Variants in SLC15A4 observed in about 807,000 individuals in gnomAD.
The protein encoded by SLC15A4 is hPHT1.
A neutral mutation model predicts 46.1 loss-of-function variants in SLC15A4; 26 were observed. That is an observed-to-expected ratio of 0.56 (90% CI 0.41 to 0.78). The LOEUF is 0.78. SLC15A4 is among the 30% of genes least tolerant of loss of function. SLC15A4 has a pLI of 0.00. For synonymous variants in SLC15A4, 370 were observed against 333.4 expected, an observed-to-expected ratio of 1.11 and a Z score of -1.20; for missense variants, 751 against 755.7, an observed-to-expected ratio of 0.99 and a Z score of 0.07.
intron 7 of SLC15A4, among the ~76,000 whole-genome samples, chr12:128,797,562 G>A (rs148965224): frequency 6.6e-5 from 10 of 152,246 alleles, no homozygotes; most frequent in African/African-American, 2.2e-4. Flanking sequence ...CTGGGAGGTC[G>A]GTAAGAAAAA....
At chr12:128,813,172 A>C (rs550793590) in intron 2 of SLC15A4, 1 of 150,372 alleles carries the variant, frequency 6.7e-6, no homozygotes. Context: ...AGTGTCAGCT[A>C]AGATGGGGCT....
intron 1 of SLC15A4, among the ~76,000 whole-genome samples, chr12:128,821,096 C>T (rs1955829631): frequency 6.6e-6 from 1 of 152,244 alleles, no homozygotes; most frequent in African/African-American, 2.4e-5. Flanking sequence ...AGTGCAGATG[C>T]TGGCGCCCTG....
At chr12:128,818,043 G>T (rs1299215628) in intron 1 of SLC15A4, among the ~76,000 whole-genome samples, 1 of 150,220 alleles carries the variant, frequency 6.7e-6, no homozygotes, top group Non-Finnish European at 1.5e-5. Flanking sequence ...GCTGACAGAA[G>T]AATTCCTTAA....
At chr12:128,803,420 C>T (rs1271969622) in intron 5 of SLC15A4, among the ~76,000 whole-genome samples, 1 of 151,146 alleles carries the variant, frequency 6.6e-6, no homozygotes, top group African/African-American at 2.5e-5. Flanking sequence ...CAGACAGCAC[C>T]TCATTTATTA....
intron 1 of SLC15A4, among the ~76,000 whole-genome samples, chr12:128,822,901 T>G (rs1955869237): frequency 1.3e-5 from 2 of 151,862 alleles, no homozygotes; most frequent in African/African-American, 4.8e-5. Context: ...CAAGCTAGAG[T>G]GCACTGGTGT....
Position 128,808,802 on chromosome 12 carries a change from G to A in SLC15A4, c.1244C>T (p.Ser415Leu), listed in dbSNP as rs753259742. The part of the protein sequence containing the change: ...IAVGMFFVMC[S>L]AFAAGILESK... ...ATGCCTCTTACCTGCAGCAAAGGCCGAGCACATGACAAAGAACATGCCCAC... is the reference window on the plus strand; with the variant it reads ...ATGCCTCTTACCTGCAGCAAAGGCCAAGCACATGACAAAGAACATGCCCAC... The change falls in exon 5 of 8, where the codon TCG (serine) becomes TTG (leucine). Residue 415 changes from serine (S) to leucine (L), a missense_variant. Transcript: ENST00000266771. The A allele has an allele frequency of 6.8e-6, 11 of 1,614,020 alleles. No homozygotes were observed. The highest frequency in any genetic ancestry group is 3.3e-5 in the Admixed American group (2 of 59,992).
chr12:128,821,401 T>A (rs534661911), intron 1 of SLC15A4, among the ~76,000 whole-genome samples: 1 of 152,174 alleles, frequency 6.6e-6, no homozygotes, highest in South Asian at 2.1e-4. Flanking sequence ...ACATTTTGAG[T>A]TCTATGAGAC....
intron 2 of SLC15A4, among the ~76,000 whole-genome samples, chr12:128,812,456 A>G (rs1322956469): frequency 6.6e-6 from 1 of 152,090 alleles, no homozygotes; most frequent in Non-Finnish European, 1.5e-5. Context: ...TGTAACTGGC[A>G]CTACAGGCAC....
At position 128,794,242 on chromosome 12, in the gene SLC15A4, T is replaced by C; in HGVS notation, c.1688A>G (p.His563Arg). Reference protein sequence around the residue: ...ISVKYDHHRDHQRSRANGVPT... With the variant: ...ISVKYDHHRDRQRSRANGVPT... ...CACGCCATTGGCTCTTGATCGCTGA[T>C]GGTCTCGATGATGGTCATATTTCAC... The change falls in exon 8 of 8, where the codon CAT (histidine) becomes CGT (arginine). Residue 563 changes from histidine to arginine, a missense_variant. Coordinates refer to ENST00000266771, the MANE Select transcript of SLC15A4 (RefSeq NM_145648.4). 3.1e-6 allele frequency: 5 copies of C among 1,613,922 alleles called. No homozygotes were observed. Among genetic ancestry groups the C allele is most frequent in the South Asian group, 1.1e-5 (1 of 91,068 alleles).
At chr12:128,798,110 G>A (rs1291734053) in intron 7 of SLC15A4, among the ~76,000 whole-genome samples, 3 of 152,212 alleles carry the variant, frequency 2.0e-5, no homozygotes, top group Non-Finnish European at 4.4e-5. Flanking sequence ...TGACTAGAAA[G>A]CAACGAGAAT....
chr12:128,793,868 A>T lies in SLC15A4; in HGVS notation c.*328T>A, dbSNP rs1030500932. ...AACTGGGATGCCAACTAACACGTGG[A>T]GTTCCCCAAGACTTTGCAATCTCCA... On this transcript the variant is annotated 3_prime_UTR_variant, in exon 8 of 8. Transcript: ENST00000266771. 4.8e-6 allele frequency: 1 copy of T among 206,716 alleles called. No homozygotes were observed. Among genetic ancestry groups the T allele is most frequent in the Non-Finnish European group, 9.6e-6 (1 of 104,650 alleles). 12.8% of individuals were successfully genotyped at this position (206,716 alleles called of 1,614,324 possible).
chr12:128,810,020 C>G lies in SLC15A4; in HGVS notation c.934G>C (p.Val312Leu). 6.2e-7 allele frequency: 1 copy of G among 1,614,200 alleles called. No individual in the cohort carries two copies. Among genetic ancestry groups the G allele is most frequent in the Non-Finnish European group, 8.5e-7 (1 of 1,180,028 alleles). The change falls in exon 3 of 8, where the codon GTG becomes CTG. Residue 312 changes from valine to leucine, a missense_variant. Val to Leu is a conservative substitution (Grantham distance 32, BLOSUM62 1). Transcript: ENST00000266771. Reference protein sequence around the residue: ...SHGGPFTEEKVEDVKALVKIV... With the variant: ...SHGGPFTEEKLEDVKALVKIV... ...TTGACCAGAGCTTTCACATCTTCCA[C>G]TTTCTCTTCTGTAAATGGCCCACCA... is the stretch of plus-strand genomic sequence containing the variant.
At chr12:128,809,914 G>A in intron 3 of SLC15A4, 29 bp downstream of exon 3, 1 of 1,601,544 alleles carries the variant, frequency 6.2e-7, no homozygotes, top group Non-Finnish European at 8.5e-7. Flanking sequence ...GGAAGATAAA[G>A]GAAATTAAAC....
At chr12:128,795,120 CA>C (rs1955429544) in intron 7 of SLC15A4, among the ~76,000 whole-genome samples, 1 of 152,088 alleles carries the variant, frequency 6.6e-6, no homozygotes, top group Admixed American at 6.5e-5. Context: ...CACTTTTTAG[CA>C]TCACAGATTG....
In SLC15A4 at chr12:128,823,933, G is replaced by T; in HGVS notation, c.11C>A (p.Ser4Tyr). The T allele has an allele frequency of 3.1e-6, 2 of 644,114 alleles. No individual in the cohort carries two copies. The highest frequency in any genetic ancestry group is 1.3e-4 in the South Asian group (2 of 15,282). The allele number at this position is 644,114 out of a possible 1,614,324, so 39.9% of individuals were successfully genotyped here. MEG[S>Y]GGGAGERAPL... ...CGCCCGCTCGCCCGCACCGCCCCCAGAGCCCTCCATGCGACGCCGCCAGCT... is the reference window on the plus strand; with the variant it reads ...CGCCCGCTCGCCCGCACCGCCCCCATAGCCCTCCATGCGACGCCGCCAGCT... The change falls in exon 1 of 8, where the codon TCT (serine) becomes TAT (tyrosine). Residue 4 changes from serine to tyrosine, a missense_variant. By Grantham distance (144) the Ser-to-Tyr change is moderately radical. Transcript: ENST00000266771.
chr12:128,818,541 C>T (rs543617881), intron 1 of SLC15A4, among the ~76,000 whole-genome samples: 8 of 152,338 alleles, frequency 5.3e-5, no homozygotes, highest in Admixed American at 2.6e-4. Context: ...ATGAAGCAGC[C>T]GCACCTGGAG....
chr12:128,816,796 TCCTG>T (rs1233557004), intron 1 of SLC15A4, among the ~76,000 whole-genome samples: 1 of 152,016 alleles, frequency 6.6e-6, no homozygotes, highest in African/African-American at 2.4e-5. Flanking sequence ...ACCACTGCAC[TCCTG>T]CCTAAGCGAC....
intron 2 of SLC15A4, among the ~76,000 whole-genome samples, chr12:128,812,744 G>C (rs1955676882): frequency 6.6e-6 from 1 of 152,178 alleles, no homozygotes; most frequent in South Asian, 2.1e-4. Flanking sequence ...GTGAGCCCAT[G>C]AGATGAATCC....
intron 5 of SLC15A4, among the ~76,000 whole-genome samples, chr12:128,806,797 C>T (rs901695326): frequency 5.3e-5 from 8 of 152,112 alleles, no homozygotes; most frequent in Admixed American, 1.3e-4. Context: ...GAGCGCATGC[C>T]TCCCCATAGG....
Sources: allele counts gnomAD v4.1 joint callset (sites outside exome capture counted in the v4.1 genomes callset), GRCh38; gene constraint gnomAD v4.1.1; transcripts MANE v1.5; gene names NCBI Gene and HGNC (gene_info 2026-07-23, HGNC 2026-07-21).